Variants in ITIH5 observed in about 807,000 individuals in gnomAD.
ITIH5 encodes inter-alpha-trypsin inhibitor heavy chain 5.
In ITIH5, 65 loss-of-function variants were observed where a neutral mutation model predicts 77.5. The observed-to-expected ratio is 0.84, with a 90% CI of 0.69 to 1.03. The LOEUF (loss-of-function observed/expected upper bound fraction) is 1.03, where lower values mean the gene tolerates loss of function less well. ITIH5 is among the 50% of genes least tolerant of loss of function. The probability of loss-of-function intolerance (pLI) is 0.00; values close to 1 mark genes in which losing one functional copy is unlikely to be tolerated. For synonymous variants in ITIH5, 525 were observed against 494.3 expected (o/e 1.06, Z -0.82); for missense variants, 1,208 against 1,213.1 (o/e 1.00, Z 0.06).
At chr10:7,586,150 C>T in intron 7 of ITIH5, 81 bp from the exon 8 acceptor site, 1 of 1,271,788 alleles carries the variant, frequency 7.9e-7, no homozygotes, top group Non-Finnish European at 1.1e-6. Flanking sequence ...CGCCCCCGCC[C>T]CCCAGGAAAA....
At chr10:7,585,331 T>A (rs2130975026) in intron 8 of ITIH5, among the ~76,000 whole-genome samples, 1 of 152,274 alleles carries the variant, frequency 6.6e-6, no homozygotes, top group South Asian at 2.1e-4. Context: ...ATCTTTTCTC[T>A]CCTCTCTTAA....
At chr10:7,615,742 C>T (rs919240380) in intron 7 of ITIH5, among the ~76,000 whole-genome samples, 2 of 152,208 alleles carry the variant, frequency 1.3e-5, no homozygotes, top group African/African-American at 4.8e-5. Context: ...TCCACTCTGC[C>T]AGTGCTGTTT....
In ITIH5 at chr10:7,666,793, C is replaced by T. The variant is rs748350605; in HGVS notation, c.90+10G>A. The T allele has an allele frequency of 6.2e-7, 1 of 1,600,804 alleles. No homozygotes were observed. Among genetic ancestry groups the T allele is most frequent in the Non-Finnish European group, 8.5e-7 (1 of 1,174,036 alleles). Reference sequence around the variant, plus strand: ...GCGCCCGGGACCCGGCTCCCCTCGGCTCCACTTACCTGCTCCGAAGAGTGG... The same window carrying T: ...GCGCCCGGGACCCGGCTCCCCTCGGTTCCACTTACCTGCTCCGAAGAGTGG... On this transcript the variant is annotated intron_variant, in intron 1 of 13. Transcript: ENST00000397146.
Position 7,569,678 on chromosome 10 carries a change from G to T in ITIH5, c.2139C>A (p.His713Gln). 6.2e-7 allele frequency: 1 copy of T among 1,605,646 alleles called. No individual in the cohort carries two copies. The highest frequency in any genetic ancestry group is 8.5e-7 in the Non-Finnish European group (1 of 1,176,154). ...PGDILRLVSD[H>Q]RDSGVTVNGE... Reference sequence around the variant, plus strand: ...GAAGGTAGAACTTACCAGAGTCCCTGTGATCAGAGACCAGCCTGAGGATGT... The same window carrying T: ...GAAGGTAGAACTTACCAGAGTCCCTTTGATCAGAGACCAGCCTGAGGATGT... The change falls in exon 12 of 14, where the codon CAC becomes CAA. Residue 713 changes from histidine to glutamine, a missense_variant. Transcript: ENST00000397146.
At chr10:7,637,103 T>C in intron 5 of ITIH5, 125 bp downstream of exon 5, 2 of 1,210,094 alleles carry the variant, frequency 1.7e-6, no homozygotes, top group Non-Finnish European at 1.2e-6. Context: ...ATCATTCCAG[T>C]TCCTACAAAA....
intron 11 of ITIH5, chr10:7,572,347 G>A: frequency 7.3e-7 from 1 of 1,367,552 alleles, no homozygotes; most frequent in Non-Finnish European, 9.8e-7. Context: ...GCTGGCAAAA[G>A]GAAATTTCAT....
At chr10:7,606,993 G>C (rs1449969063) in intron 7 of ITIH5, among the ~76,000 whole-genome samples, 1 of 152,144 alleles carries the variant, frequency 6.6e-6, no homozygotes, top group Non-Finnish European at 1.5e-5. Context: ...TTCTGAGTCA[G>C]AGACAAAAAC....
intron 7 of ITIH5, among the ~76,000 whole-genome samples, chr10:7,614,314 G>A (rs1311646762): frequency 6.6e-6 from 1 of 152,182 alleles, no homozygotes; most frequent in Non-Finnish European, 1.5e-5. Flanking sequence ...GATTCACAGA[G>A]CAAGGTTATT....
intron 13 of ITIH5, among the ~76,000 whole-genome samples, chr10:7,564,570 T>A (rs977519720): frequency 6.6e-6 from 1 of 151,988 alleles, no homozygotes; most frequent in Non-Finnish European, 1.5e-5. Context: ...CCGGGAGCAA[T>A]AGGAGACACC....
In ITIH5 at chr10:7,566,357, G is replaced by C. The variant is rs770587398; in HGVS notation, c.2200C>G (p.His734Asp). ...LIGAPAPPNG[H>D]KKQRTYLRTI... ...CGCAAGTAAGTGCGCTGTTTCTTGT[G>C]GCCATTTGGAGGGGCGGGTGCCCCA... Residue 734 changes from histidine to aspartate, a missense_variant, in exon 13 of 14, where the codon CAC becomes GAC. By Grantham distance (81) the His-to-Asp change is moderately conservative. Transcript: ENST00000397146. 13 of 1,606,288 alleles carry C rather than the reference G, an allele frequency of 8.1e-6. No homozygotes were observed. In the Admixed American group the frequency reaches 8.4e-5, roughly 10 times the overall value.
chr10:7,591,608 T>C (rs886618392), intron 7 of ITIH5, among the ~76,000 whole-genome samples: 3 of 152,144 alleles, frequency 2.0e-5, no homozygotes, highest in African/African-American at 7.2e-5. Context: ...TGTTTTTTCC[T>C]TGGAGCTCCC....
intron 2 of ITIH5, among the ~76,000 whole-genome samples, chr10:7,644,566 G>GATATATCACATATATATC: frequency 1.4e-5 from 1 of 72,556 alleles, no homozygotes; most frequent in East Asian, 3.0e-4. Flanking sequence ...ACATATATAT[G>GATATATCACATATATATC]ATATATATCA....
chr10:7,640,872 A>T lies in ITIH5; in HGVS notation c.300-17T>A, dbSNP rs185610589. 1,394 of 1,541,578 alleles carry T rather than the reference A, an allele frequency of 9.0e-4. 8 individuals are homozygous for T. Among genetic ancestry groups the T allele is most frequent in the Non-Finnish European group, 5.6e-4 (619 of 1,114,474 alleles). ...CCAATAAGCCTGAAATACAAGAGAC[A>T]GTTGTGCTACCAGCTTGCAGTTCCA... On this transcript the variant is annotated splice_polypyrimidine_tract_variant and intron_variant, in intron 3 of 13. Transcript: ENST00000397146.
intron 7 of ITIH5, among the ~76,000 whole-genome samples, chr10:7,591,598 T>C (rs920560307): frequency 3.3e-5 from 5 of 152,172 alleles, no homozygotes; most frequent in Admixed American, 3.3e-4. Flanking sequence ...TTGCACCTGC[T>C]GTTTTTTCCT....
chr10:7,646,965 C>G (rs1012418738), intron 2 of ITIH5, among the ~76,000 whole-genome samples: 1 of 152,190 alleles, frequency 6.6e-6, no homozygotes, highest in Admixed American at 6.5e-5. Context: ...GGCACAGACC[C>G]CCATCTCCAT....
intron 1 of ITIH5, among the ~76,000 whole-genome samples, chr10:7,665,827 T>A (rs1488106180): frequency 6.6e-6 from 1 of 152,184 alleles, no homozygotes; most frequent in Non-Finnish European, 1.5e-5. Context: ...TCCTGGGATT[T>A]TATTAGCTAC....
intron 5 of ITIH5, among the ~76,000 whole-genome samples, chr10:7,634,767 CT>C (rs1833773254): frequency 6.6e-6 from 1 of 152,148 alleles, no homozygotes; most frequent in Non-Finnish European, 1.5e-5. Context: ...GCTGACACAG[CT>C]ACTGAATGTG....
At chr10:7,644,444 A>T (rs181105791) in intron 2 of ITIH5, among the ~76,000 whole-genome samples, 1 of 145,276 alleles carries the variant, frequency 6.9e-6, no homozygotes, top group East Asian at 2.0e-4. Context: ...TATATATCAC[A>T]TATAGATCAT....
chr10:7,576,381 C>A, intron 10 of ITIH5, 72 bp downstream of exon 10: 2 of 1,294,488 alleles, frequency 1.5e-6, no homozygotes, highest in Admixed American at 2.8e-5. Context: ...CCTGCTGGGG[C>A]TTCCTGTGGA....
Sources: allele counts gnomAD v4.1 joint callset (sites outside exome capture counted in the v4.1 genomes callset), GRCh38; gene constraint gnomAD v4.1.1; transcripts MANE v1.5; gene names NCBI Gene and HGNC (gene_info 2026-07-23, HGNC 2026-07-21).